Variants in STAR observed in about 807,000 individuals in gnomAD.
The protein encoded by STAR is steroidogenic acute regulatory protein, also known as steroidogenic acute regulatory protein, mitochondrial.
Under a neutral mutation model 32.3 loss-of-function variants are expected in STAR, and 32 were observed. The ratio of observed to expected loss-of-function variants is 0.99; its 90% CI spans 0.75 to 1.33. The LOEUF is 1.33. Among genes scored for constraint, STAR ranks in the 40% most tolerant of loss-of-function variants. STAR has a pLI of 0.00. For synonymous variants in STAR, 134 were observed against 140.5 expected (o/e 0.95, Z 0.33); for missense variants, 375 against 379.0 (o/e 0.99, Z 0.09).
chr8:38,146,454 GAGAA>G lies in STAR; in HGVS notation c.307-11_307-8del. 6.2e-7 allele frequency: 1 copy of G among 1,613,702 alleles called. No individual in the cohort carries two copies. Among genetic ancestry groups the G allele is most frequent in the Non-Finnish European group, 8.5e-7 (1 of 1,180,022 alleles). The stretch of plus-strand genomic sequence containing the variant: ...TCACTTTGTCCCCATTGTCCTGTCA[GAGAA>G]AGGAGCCCCCAGAAGGTGGTTAGAC... On this transcript the variant is annotated splice_polypyrimidine_tract_variant and splice_region_variant and intron_variant, in intron 3 of 6. Coordinates refer to ENST00000276449, the MANE Select transcript of STAR (RefSeq NM_000349.3).
At position 38,150,928 on chromosome 8, in the gene STAR, C is replaced by T; in HGVS notation, c.-110G>A. The T allele has an allele frequency of 6.3e-7, 1 of 1,595,964 alleles. No homozygotes were observed. Among genetic ancestry groups the T allele is most frequent in the East Asian group, 2.2e-5 (1 of 44,822 alleles). Reference sequence around the variant, plus strand: ...CTTCGTCCTTCCTGAGCCCCTCAAGCTTCGCCTCTGAGTCCCGCAGCTGCA... The same window carrying T: ...CTTCGTCCTTCCTGAGCCCCTCAAGTTTCGCCTCTGAGTCCCGCAGCTGCA... On this transcript the variant is annotated 5_prime_UTR_variant, in exon 1 of 7. Transcript: ENST00000276449.
intron 5 of STAR, 26 bp downstream of exon 5, chr8:38,145,937 G>C: frequency 6.2e-7 from 1 of 1,612,594 alleles, no homozygotes; most frequent in Non-Finnish European, 8.5e-7. Flanking sequence ...AGAAGAGGGG[G>C]GTTTGGAGCC....
At chr8:38,147,013 C>T (rs1391043003) in intron 3 of STAR, among the ~76,000 whole-genome samples, 1 of 150,722 alleles carries the variant, frequency 6.6e-6, no homozygotes, top group South Asian at 2.1e-4. Flanking sequence ...TTTTTGAGAC[C>T]GTCTCACTCT....
At chr8:38,149,748 A>G (rs1022444730) in intron 1 of STAR, among the ~76,000 whole-genome samples, 2 of 152,156 alleles carry the variant, frequency 1.3e-5, no homozygotes, top group African/African-American at 4.8e-5. Context: ...CTGAGGCAGG[A>G]GAATTGCTTG....
chr8:38,144,338 C>T lies in STAR; in HGVS notation c.793G>A (p.Val265Met), dbSNP rs1802523966. 6.2e-7 allele frequency: 1 copy of T among 1,609,652 alleles called. No individual in the cohort carries two copies. Among genetic ancestry groups the T allele is most frequent in the Non-Finnish European group, 8.5e-7 (1 of 1,178,180 alleles). ...IINQVLSQTQ[V>M]DFANHLRKRL... The stretch of plus-strand genomic sequence containing the variant: ...TTGCGCAGGTGGTTGGCAAAATCCA[C>T]CTGGGTCTGGGACAGGACCTGGTTG... Residue 265 changes from valine to methionine, a missense_variant, in exon 7 of 7, where the codon GTG becomes ATG. Transcript: ENST00000276449.
rs1563269576 is a variant in STAR at position 38,150,868 on chromosome 8, C to CGCCGCTGCTGCT, written c.-62_-51dup. 1.2e-6 allele frequency: 2 copies of CGCCGCTGCTGCT among 1,600,692 alleles called. No individual in the cohort carries two copies. The highest frequency in any genetic ancestry group is 1.7e-5 in the Admixed American group (1 of 59,996). On this transcript the variant is annotated 5_prime_UTR_variant, in exon 1 of 7. Transcript: ENST00000276449. ...GTGGGGTCGCTGCCGCTGCTGCTGC[C>CGCCGCTGCTGCT]GCCGCTGCTGCTGCCTCTTCTCTCA...
chr8:38,148,489 A>G, intron 2 of STAR, 152 bp downstream of exon 2: 1 of 1,370,196 alleles, frequency 7.3e-7, no homozygotes, highest in South Asian at 1.2e-5. Context: ...CCAGGTGACC[A>G]GAGAGGGATC....
intron 2 of STAR, 145 bp downstream of exon 2, chr8:38,148,496 G>T: frequency 7.4e-7 from 1 of 1,351,454 alleles, no homozygotes; most frequent in South Asian, 1.2e-5. Context: ...ACCAGAGAGG[G>T]ATCTGGCCTT....
chr8:38,148,221 G>T lies in STAR; in HGVS notation c.285C>A (p.Gly95=), dbSNP rs775771996. The T allele has an allele frequency of 6.2e-7, 1 of 1,613,908 alleles. No individual in the cohort carries two copies. The change falls in exon 3 of 7, where the codon GGC becomes GGA. Residue 95 remains glycine (G), a synonymous_variant. Coordinates refer to ENST00000276449, the MANE Select transcript of STAR (RefSeq NM_000349.3). The stretch of plus-strand genomic sequence containing the variant: ...TTACCTGCTGACTCTCCTTCTTCCA[G>T]CCCTCTTGGTTGCTAAGGATGCCCA... ...KALGILSNQE[G]WKKESQQDNG...
intron 4 of STAR, 34 bp from the exon 5 acceptor site, chr8:38,146,181 A>C: frequency 6.2e-7 from 1 of 1,613,780 alleles, no homozygotes; most frequent in Non-Finnish European, 8.5e-7. Context: ...ATCACGACTC[A>C]GCCTGTGTTG....
In STAR at chr8:38,144,158, C is replaced by T. The variant is rs551781480; in HGVS notation, c.*115G>A. On this transcript the variant is annotated 3_prime_UTR_variant, in exon 7 of 7. Coordinates refer to ENST00000276449, the MANE Select transcript of STAR (RefSeq NM_000349.3). ...TGTCATACTCTAAACACGAACCCCACCCATCCCACTGTCACCAGATGGAGA... is the reference window on the plus strand; with the variant it reads ...TGTCATACTCTAAACACGAACCCCATCCATCCCACTGTCACCAGATGGAGA... 76 of 1,116,602 alleles carry T rather than the reference C, an allele frequency of 6.8e-5. No homozygotes were observed. The African/African-American group carries it at 9.2e-4, about 14-fold the overall frequency. The allele number at this position is 1,116,602 out of a possible 1,614,324, so 69.2% of individuals were successfully genotyped here. A position where few individuals can be genotyped will look rare whatever the true frequency, so the allele number is the denominator to read the frequency against.
intron 3 of STAR, 131 bp from the exon 4 acceptor site, chr8:38,146,578 C>T: frequency 1.0e-6 from 1 of 956,546 alleles, no homozygotes; most frequent in Non-Finnish European, 1.6e-6. Flanking sequence ...GAGTTCGAGA[C>T]CAGCCTGGCC....
chr8:38,144,200 T>G lies in STAR; in HGVS notation c.*73A>C. 1 of 1,459,072 alleles carries G rather than the reference T, an allele frequency of 6.9e-7. No individual in the cohort carries two copies. 90.4% of individuals were successfully genotyped at this position (1,459,072 alleles called of 1,614,324 possible). A position where few individuals can be genotyped will look rare whatever the true frequency, so the allele number is the denominator to read the frequency against. On this transcript the variant is annotated 3_prime_UTR_variant, in exon 7 of 7. Transcript: ENST00000276449. ...AGATGGAGATCTTAGACTTGCAGGC[T>G]TCCAGTAGGGATTCTCCTGATGAGC...
In STAR at chr8:38,144,314, T is replaced by G; in HGVS notation, c.817A>C (p.Lys273Gln). 1 of 1,610,118 alleles carries G rather than the reference T, an allele frequency of 6.2e-7. No homozygotes were observed. Among genetic ancestry groups the G allele is most frequent in the Non-Finnish European group, 8.5e-7 (1 of 1,178,390 alleles). The change falls in exon 7 of 7, where the codon AAG becomes CAG. Residue 273 changes from lysine to glutamine, a missense_variant. Coordinates refer to ENST00000276449, the MANE Select transcript of STAR (RefSeq NM_000349.3). Reference protein sequence around the residue: ...TQVDFANHLRKRLESHPASEA... With the variant: ...TQVDFANHLRQRLESHPASEA... ...GAGGCAGGGTGGGACTCCAGGCGCTTGCGCAGGTGGTTGGCAAAATCCACC... is the reference window on the plus strand; with the variant it reads ...GAGGCAGGGTGGGACTCCAGGCGCTGGCGCAGGTGGTTGGCAAAATCCACC...
rs1298781933 is a variant in STAR, at chr8:38,143,333, G to C, written c.*940C>G. ...TTTTTTTTTTTTTTTTTGAGATGGAGTCTCACTCTGTCGCCCACGCTGGAG... is the reference window on the plus strand; with the variant it reads ...TTTTTTTTTTTTTTTTTGAGATGGACTCTCACTCTGTCGCCCACGCTGGAG... On this transcript the variant is annotated 3_prime_UTR_variant, in exon 7 of 7. Coordinates refer to ENST00000276449, the MANE Select transcript of STAR (RefSeq NM_000349.3). Among the ~76,000 whole-genome samples, 1 of 138,554 alleles carries C rather than the reference G, an allele frequency of 7.2e-6. No homozygotes were observed. Among genetic ancestry groups the C allele is most frequent in the Non-Finnish European group, 1.5e-5 (1 of 65,912 alleles). 90.9% of individuals were successfully genotyped at this position (138,554 alleles called of 152,430 possible).
intron 1 of STAR, among the ~76,000 whole-genome samples, chr8:38,150,367 C>G (rs1383986522): frequency 1.3e-5 from 2 of 150,568 alleles, no homozygotes; most frequent in Non-Finnish European, 2.9e-5. Flanking sequence ...CTACTGTACT[C>G]CAGCCTCTGT....
chr8:38,146,467 C>A lies in STAR; in HGVS notation c.307-20G>T, dbSNP rs756313214. 6.2e-7 allele frequency: 1 copy of A among 1,612,740 alleles called. No individual in the cohort carries two copies. The highest frequency in any genetic ancestry group is 8.5e-7 in the Non-Finnish European group (1 of 1,179,914). On this transcript the variant is annotated intron_variant, in intron 3 of 6. Transcript: ENST00000276449. Reference sequence around the variant, plus strand: ...ATTGTCCTGTCAGAGAAAGGAGCCCCCAGAAGGTGGTTAGACAAAAATATT... The same window carrying A: ...ATTGTCCTGTCAGAGAAAGGAGCCCACAGAAGGTGGTTAGACAAAAATATT...
At position 38,146,096 on chromosome 8, in the gene STAR, C is replaced by T. The variant is rs199902610; in HGVS notation, c.517G>A (p.Glu173Lys). The change falls in exon 5 of 7, where the codon GAG becomes AAG. Residue 173 changes from glutamate to lysine, a missense_variant. Glu to Lys is a moderately conservative substitution (Grantham distance 56). Coordinates refer to ENST00000276449, the MANE Select transcript of STAR (RefSeq NM_000349.3). ...DTFITHELAA[E>K]AAGNLVGPRD... is the part of the protein sequence containing the mutation. The stretch of plus-strand genomic sequence containing the variant: ...GGCCCCACCAGGTTTCCTGCTGCCT[C>T]GGCAGCCAGCTCGTGAGTAATGAAT... 6.8e-6 allele frequency: 11 copies of T among 1,614,216 alleles called. No homozygotes were observed. In the East Asian group the frequency reaches 1.3e-4, roughly 20 times the overall value.
Position 38,145,261 on chromosome 8 carries a change from A to G in STAR, c.705T>C (p.Ser235=). The G allele has an allele frequency of 6.2e-7, 1 of 1,614,164 alleles. No individual in the cohort carries two copies. The highest frequency in any genetic ancestry group is 8.5e-7 in the Non-Finnish European group (1 of 1,180,028). ...MVLHPLAGSP[S]KTKLTWLLSI... is the part of the protein sequence containing the mutation. ...TGAGTAGCCACGTAAGTTTGGTCTTAGAGGGACTTCCAGCCAACGGGTGAA... is the reference window on the plus strand; with the variant it reads ...TGAGTAGCCACGTAAGTTTGGTCTTGGAGGGACTTCCAGCCAACGGGTGAA... Residue 235 remains serine (S), a synonymous_variant, in exon 6 of 7, where the codon TCT becomes TCC. Coordinates refer to ENST00000276449, the MANE Select transcript of STAR (RefSeq NM_000349.3).
Sources: gnomAD v4.1 joint callset for allele counts (sites outside exome capture counted in the v4.1 genomes callset) on GRCh38, gnomAD v4.1.1 for gene constraint, MANE v1.5 for transcripts, NCBI Gene and HGNC (gene_info 2026-07-23, HGNC 2026-07-21) for gene names.